Variants in PPOX observed in about 807,000 individuals in gnomAD.
PPOX encodes the protein protoporphyrinogen oxidase.
In PPOX, 23 loss-of-function variants were observed where a neutral mutation model predicts 54.1. The ratio of observed to expected loss-of-function variants is 0.43; its 90% CI spans 0.31 to 0.60. The LOEUF (loss-of-function observed/expected upper bound fraction) is 0.60. Ranked by LOEUF, PPOX falls within the 20% of genes least tolerant of loss-of-function variation. The pLI is 0.13. For synonymous variants in PPOX, 224 were observed against 236.1 expected, an observed-to-expected ratio of 0.95 and a Z score of 0.47; for missense variants, 512 against 601.1, an observed-to-expected ratio of 0.85 and a Z score of 1.55.
At chr1:161,167,762 A>G in intron 4 of PPOX, 1 of 709,342 alleles carries the variant, frequency 1.4e-6, no homozygotes, top group Non-Finnish European at 2.3e-6. Context: ...ATGGGGTTTC[A>G]CCATATTGGC....
chr1:161,176,132 G>C, downstream of PPOX: 10 of 1,570,458 alleles, frequency 6.4e-6, no homozygotes, highest in Non-Finnish European at 8.7e-6. Flanking sequence ...CCAGCAGAGA[G>C]GTCAGTAGGT....
chr1:161,176,770 C>A, intron 4 of PPOX: 1 of 1,265,212 alleles, frequency 7.9e-7, no homozygotes, highest in Non-Finnish European at 1.1e-6. Context: ...CATACTTAAC[C>A]ACCCCCGTAC....
downstream of PPOX, chr1:161,175,264 G>A (rs781485689): frequency 9.2e-5 from 145 of 1,573,608 alleles, no homozygotes; most frequent in Non-Finnish European, 1.2e-4. Context: ...GGGATCAGAG[G>A]GGCAAAGAGA....
chr1:161,170,625 G>A lies in PPOX; in HGVS notation c.1104G>A (p.Met368Ile). Residue 368 changes from methionine to isoleucine, a missense_variant, in exon 11 of 13, where the codon ATG becomes ATA. Transcript: ENST00000367999. ...GSPPGLRVTVMLGGSWLQTLE... is the reference protein window; with the variant it reads ...GSPPGLRVTVILGGSWLQTLE... ...GTGCTATATTCCCTCCTTAGGTGATGCTGGGAGGTTCCTGGTTACAGACAC... is the reference window on the plus strand; with the variant it reads ...GTGCTATATTCCCTCCTTAGGTGATACTGGGAGGTTCCTGGTTACAGACAC... The A allele has an allele frequency of 6.2e-7, 1 of 1,614,176 alleles. No homozygotes were observed. The highest frequency in any genetic ancestry group is 8.5e-7 in the Non-Finnish European group (1 of 1,180,040).
intron 9 of PPOX, 32 bp downstream of exon 9, chr1:161,170,056 G>A: frequency 1.3e-6 from 2 of 1,594,540 alleles, no homozygotes; most frequent in Middle Eastern, 2.0e-4. Flanking sequence ...GCTGGGCATG[G>A]TGGCTCACAC....
At chr1:161,174,775 C>A (rs576235693), downstream of PPOX, 6 of 546,920 alleles carry the variant, frequency 1.1e-5, no homozygotes, top group South Asian at 1.5e-4. Context: ...AAGAAAAAAT[C>A]ACAGGAGAGT....
intron 2 of PPOX, 25 bp from the exon 3 acceptor site, chr1:161,167,073 TGC>T (rs1224848877): frequency 3.7e-6 from 6 of 1,614,072 alleles, no homozygotes; most frequent in Non-Finnish European, 5.1e-6. Context: ...CAGGCGGTGC[TGC>T]AGTGTCTCTC....
chr1:161,175,415 G>A (rs1304319739), downstream of PPOX, among the ~76,000 whole-genome samples: 2 of 152,074 alleles, frequency 1.3e-5, no homozygotes, highest in East Asian at 3.9e-4. Context: ...GGAAGGTGCA[G>A]GATCCTTACC....
downstream of PPOX, chr1:161,171,730 C>T (rs1661498713): frequency 1.5e-5 from 23 of 1,532,186 alleles, no homozygotes; most frequent in East Asian, 4.7e-4. Context: ...CCCTCACATC[C>T]CTCTGAGAAC....
rs1216035001 is a variant in PPOX, at chr1:161,168,007, C to G, written c.351C>G (p.Arg117=). The G allele has an allele frequency of 9.9e-6, 16 of 1,614,190 alleles. No individual in the cohort carries two copies. Among genetic ancestry groups the G allele is most frequent in the Non-Finnish European group, 1.3e-5 (15 of 1,180,040 alleles). The change falls in exon 5 of 13, where the codon CGC becomes CGG. Residue 117 remains arginine, a synonymous_variant. Transcript: ENST00000367999. ...TTTCTCCATGCAGGGGGCTACTCCG[C>G]CCTTCACCCCCCTTCTCCAAACCTC... is the stretch of plus-strand genomic sequence containing the variant. ...ALPTGLRGLL[R]PSPPFSKPLF...
chr1:161,171,691 A>ACC, downstream of PPOX: 1 of 1,363,400 alleles, frequency 7.3e-7, no homozygotes, highest in Non-Finnish European at 1.0e-6. Flanking sequence ...AGAGGCCCCT[A>ACC]CCCCCTAGCA....
chr1:161,165,941 T>C (rs1228860395), upstream of PPOX: 1 of 207,560 alleles, frequency 4.8e-6, no homozygotes, highest in Non-Finnish European at 8.4e-6. Flanking sequence ...TGAGGCTGCG[T>C]GCAGGCTCTG....
upstream of PPOX, chr1:161,166,009 T>C (rs114382564): frequency 8.3e-4 from 700 of 839,916 alleles, 5 homozygotes; most frequent in African/African-American, 0.012. Flanking sequence ...ACTGGGTACG[T>C]TGCCGGGCGG....
In PPOX at chr1:161,167,210, C is replaced by T; in HGVS notation, c.198C>T (p.Ala66=). 6.2e-7 allele frequency: 1 copy of T among 1,614,094 alleles called. No homozygotes were observed. The highest frequency in any genetic ancestry group is 1.3e-5 in the African/African-American group (1 of 74,998). The part of the protein sequence containing the change: ...LGPRGIRPAG[A]LGARTLLLVS... Reference sequence around the variant, plus strand: ...CTCGGGGAATTAGGCCAGCGGGAGCCCTAGGGGCCCGGACCTTGCTCCTGG... The same window carrying T: ...CTCGGGGAATTAGGCCAGCGGGAGCTCTAGGGGCCCGGACCTTGCTCCTGG... Residue 66 remains alanine (A), a synonymous_variant, in exon 3 of 13, where the codon GCC becomes GCT. Coordinates refer to ENST00000367999, the MANE Select transcript of PPOX (RefSeq NM_001122764.3).
intron 10 of PPOX, 39 bp downstream of exon 10, chr1:161,170,558 G>A: frequency 6.2e-7 from 1 of 1,614,124 alleles, no homozygotes; most frequent in Admixed American, 1.7e-5. Context: ...CATTTCCAGA[G>A]GGCTCCTCTG....
chr1:161,177,084 G>T, downstream of PPOX: 1 of 1,533,120 alleles, frequency 6.5e-7, no homozygotes, highest in Non-Finnish European at 8.7e-7. Context: ...CTCTTCTAGC[G>T]GGGGTGGGGA....
At chr1:161,175,765 C>T (rs754249359), downstream of PPOX, 1 of 1,604,262 alleles carries the variant, frequency 6.2e-7, no homozygotes, top group South Asian at 1.1e-5. Flanking sequence ...CCTGTCTCCG[C>T]ACCTTGTCCT....
intron 4 of PPOX, 105 bp from the exon 5 acceptor site, chr1:161,167,890 A>G: frequency 6.4e-7 from 1 of 1,563,036 alleles, no homozygotes; most frequent in Non-Finnish European, 8.8e-7. Flanking sequence ...TCTCCCTGTC[A>G]GCCTTCCCAG....
rs1553245831 is a variant in PPOX at position 161,177,039 on chromosome 1, T to A, written c.563T>A (p.Val188Glu). 3 of 1,528,044 alleles carry A rather than the reference T, an allele frequency of 2.0e-6. No homozygotes were observed. In the South Asian group the frequency reaches 3.6e-5, roughly 18 times the overall value. The allele number at this position is 1,528,044 out of a possible 1,614,324, so 94.7% of individuals were successfully genotyped here. A position where few individuals can be genotyped will look rare whatever the true frequency, so the allele number is the denominator to read the frequency against. The change falls in exon 5 of 5, where the codon GTG (valine) becomes GAG (glutamate). Residue 188 changes from valine to glutamate, a missense_variant. Coordinates refer to the PPOX transcript ENST00000497522. ...CCCCGGAGCTCGGCGGAGAGTAGGG[T>A]GGGGGTGGCGTCCTCTACCTTTTCT...
Sources: gnomAD v4.1 joint callset for allele counts (sites outside exome capture counted in the v4.1 genomes callset) on GRCh38, gnomAD v4.1.1 for gene constraint, MANE v1.5 for transcripts, NCBI Gene and HGNC (gene_info 2026-07-23, HGNC 2026-07-21) for gene names.